CLVS1: variants seen among roughly 807,000 people sequenced by gnomAD.
The protein encoded by CLVS1 is clavesin 1, also known as clavesin-1.
CLVS1 carries 10 observed loss-of-function variants against 33.1 expected under a neutral mutation model. The ratio of observed to expected loss-of-function variants is 0.30; its 90% confidence interval spans 0.19 to 0.51. CLVS1 has a LOEUF of 0.51. Among genes scored for constraint, CLVS1 ranks in the 20% least tolerant of loss-of-function variants. The pLI, the probability that CLVS1 is intolerant of heterozygous loss-of-function variation, is 0.97. For synonymous variants in CLVS1, 163 were observed against 166.1 expected (o/e 0.98, Z 0.14); for missense variants, 343 against 433.4 (o/e 0.79, Z 1.85).
At chr8:61,216,105 T>A (rs953467470) in intron 2 of CLVS1, among the ~76,000 whole-genome samples, 6 of 152,194 alleles carry the variant, frequency 3.9e-5, no homozygotes, top group African/African-American at 1.4e-4. Flanking sequence ...GGATTGAGAT[T>A]TCTTTATGGT....
the CLVS1 span, among the ~76,000 whole-genome samples, chr8:61,015,091 T>C: frequency 1.3e-5 from 2 of 152,172 alleles, no homozygotes; most frequent in African/African-American, 4.8e-5. Context: ...CCAAAAAGCA[T>C]GGAAGGTAGC....
chr8:61,227,227 A>C (rs1317307086), intron 2 of CLVS1, among the ~76,000 whole-genome samples: 2 of 152,004 alleles, frequency 1.3e-5, no homozygotes, highest in Admixed American at 6.6e-5. Flanking sequence ...TTTTGAATTA[A>C]TTCTCATTAA....
At chr8:61,203,717 C>A (rs1563443763) in intron 2 of CLVS1, among the ~76,000 whole-genome samples, 1 of 152,102 alleles carries the variant, frequency 6.6e-6, no homozygotes, top group Non-Finnish European at 1.5e-5. Flanking sequence ...GGAGCTTGTC[C>A]CACTCAACTT....
chr8:61,156,548 G>A (rs1806653080), intron 2 of CLVS1, among the ~76,000 whole-genome samples: 1 of 152,106 alleles, frequency 6.6e-6, no homozygotes, highest in Non-Finnish European at 1.5e-5. Flanking sequence ...ATTTATAGAG[G>A]ATGTGTATCT....
intron 2 of CLVS1, among the ~76,000 whole-genome samples, chr8:61,207,982 G>C (rs16927003): frequency 0.021 from 3,129 of 152,254 alleles, 119 homozygotes; most frequent in African/African-American, 0.072. Context: ...CCTGATTATT[G>C]CAGGTAGATA....
chr8:61,458,420 G>A lies in CLVS1; in HGVS notation c.855G>A (p.Arg285=), dbSNP rs200735368. 1.4e-4 allele frequency: 225 copies of A among 1,613,996 alleles called. No homozygotes were observed. Among genetic ancestry groups the A allele is most frequent in the Non-Finnish European group, 1.7e-4 (202 of 1,179,942 alleles). Residue 285 remains arginine, a synonymous_variant, in exon 5 of 6, where the codon CGG becomes CGA. Coordinates refer to ENST00000325897, the MANE Select transcript of CLVS1 (RefSeq NM_173519.3). ...LPPYDMGTWA[R]TLLGPDYSDE... is the part of the protein sequence containing the mutation. ...CTTATGACATGGGAACTTGGGCCCG[G>A]ACGTTACTCGGTCCCGACTACAGCG...
At chr8:61,166,415 T>C (rs1346378927) in intron 2 of CLVS1, among the ~76,000 whole-genome samples, 1 of 152,182 alleles carries the variant, frequency 6.6e-6, no homozygotes, top group East Asian at 1.9e-4. Context: ...ATTACACGTG[T>C]GAGCCACCGT....
chr8:61,003,485 C>T, the CLVS1 span, among the ~76,000 whole-genome samples: 1 of 152,142 alleles, frequency 6.6e-6, no homozygotes, highest in Non-Finnish European at 1.5e-5. Context: ...CTTAATAAAG[C>T]AGCTCCCAGC....
chr8:61,161,669 A>T (rs1197377535), intron 2 of CLVS1, among the ~76,000 whole-genome samples: 4 of 152,234 alleles, frequency 2.6e-5, no homozygotes, highest in Non-Finnish European at 4.4e-5. Context: ...GATGTTGGTC[A>T]AAGGGTACAC....
At chr8:61,166,246 T>G (rs13266997) in intron 2 of CLVS1, among the ~76,000 whole-genome samples, 99,902 of 151,670 alleles carry the variant, frequency 0.66, 35,219 homozygotes, top group Middle Eastern at 0.86. Flanking sequence ...TCCTGCCTCA[T>G]CCTCCCAAGT....
chr8:61,211,301 T>G (rs1164784055), intron 2 of CLVS1, among the ~76,000 whole-genome samples: 1 of 152,012 alleles, frequency 6.6e-6, no homozygotes, highest in African/African-American at 2.4e-5. Flanking sequence ...ATTTTGCTCC[T>G]CCTTCTCCCT....
chr8:61,110,747 G>C (rs1005135976), intron 1 of CLVS1, among the ~76,000 whole-genome samples: 3 of 152,030 alleles, frequency 2.0e-5, no homozygotes, highest in South Asian at 2.1e-4. Flanking sequence ...CTTCTGTCTC[G>C]AGAAATTTGA....
chr8:61,288,225 C>G, intron 1 of CLVS1, 87 bp downstream of exon 1: 1 of 456,374 alleles, frequency 2.2e-6, no homozygotes, highest in South Asian at 1.5e-5. Flanking sequence ...TGCGGCGTTT[C>G]AGCACTTCGG....
chr8:61,471,276 A>G (rs1817726561), intron 5 of CLVS1, among the ~76,000 whole-genome samples: 2 of 152,226 alleles, frequency 1.3e-5, no homozygotes, highest in African/African-American at 4.8e-5. Context: ...AGAGTGAGAA[A>G]GTCAACTGCA....
chr8:61,439,748 T>G (rs1482716624), intron 3 of CLVS1, among the ~76,000 whole-genome samples: 1 of 152,186 alleles, frequency 6.6e-6, no homozygotes, highest in African/African-American at 2.4e-5. Flanking sequence ...GTTTGTACCA[T>G]GAGATAATTT....
At chr8:61,354,580 G>A (rs1385180064) in intron 2 of CLVS1, among the ~76,000 whole-genome samples, 1 of 151,984 alleles carries the variant, frequency 6.6e-6, no homozygotes, top group African/African-American at 2.4e-5. Context: ...AATCAGCACA[G>A]ATGTCTAGCA....
chr8:61,226,979 T>C (rs1808343808), intron 2 of CLVS1, among the ~76,000 whole-genome samples: 1 of 105,222 alleles, frequency 9.5e-6, no homozygotes, highest in East Asian at 2.6e-4. Flanking sequence ...TACGAAAACA[T>C]GTTTTTTTTT....
intron 1 of CLVS1, among the ~76,000 whole-genome samples, chr8:61,088,241 T>C (rs183760453): frequency 6.6e-6 from 1 of 152,256 alleles, no homozygotes; most frequent in East Asian, 1.9e-4. Context: ...GTAATCCCAG[T>C]ACTTTGGGAG....
intron 3 of CLVS1, among the ~76,000 whole-genome samples, chr8:61,388,424 G>A (rs533390530): frequency 2.6e-5 from 4 of 151,296 alleles, no homozygotes; most frequent in Admixed American, 6.5e-5. Flanking sequence ...GATCTGAAAC[G>A]ATTAATGTCT....
Sources: gnomAD v4.1 joint callset for allele counts (sites outside exome capture counted in the v4.1 genomes callset) on GRCh38, gnomAD v4.1.1 for gene constraint, MANE v1.5 for transcripts, NCBI Gene and HGNC (gene_info 2026-07-23, HGNC 2026-07-21) for gene names.